Variants in DGKB observed in about 807,000 individuals in gnomAD.
DGKB encodes the protein 90 kDa diacylglycerol kinase.
Under a neutral mutation model 114.3 loss-of-function variants are expected in DGKB, and 67 were observed. The ratio of observed to expected loss-of-function variants is 0.59; its 90% CI spans 0.48 to 0.72. The LOEUF (loss-of-function observed/expected upper bound fraction) is 0.72, where lower values mean the gene tolerates loss of function less well. Ranked by LOEUF, DGKB falls within the 30% of genes least tolerant of loss-of-function variation. DGKB has a pLI of 0.00. For missense variants in DGKB, 907 were observed against 975.2 expected, an observed-to-expected ratio of 0.93 and a Z score of 0.93; for synonymous variants, 398 against 323.1, an observed-to-expected ratio of 1.23 and a Z score of -2.49.
intron 20 of DGKB, among the ~76,000 whole-genome samples, chr7:14,532,017 A>G (rs1791669906): frequency 6.6e-6 from 1 of 151,366 alleles, no homozygotes; most frequent in African/African-American, 2.4e-5. Flanking sequence ...ATATACAAAA[A>G]TTGCAATGAA....
At chr7:14,302,651 A>G (rs1449781991) in intron 23 of DGKB, among the ~76,000 whole-genome samples, 1 of 152,070 alleles carries the variant, frequency 6.6e-6, no homozygotes, top group African/African-American at 2.4e-5. Flanking sequence ...GACTTGATCC[A>G]TAATTGTTTC....
At chr7:14,765,217 C>T (rs10272351) in intron 2 of DGKB, among the ~76,000 whole-genome samples, 22,932 of 151,864 alleles carry the variant, frequency 0.15, 2,050 homozygotes, top group East Asian at 0.3. Context: ...CAGGTCTTTG[C>T]TCCAGGCTCA....
intron 13 of DGKB, among the ~76,000 whole-genome samples, chr7:14,661,085 T>C (rs1399863183): frequency 6.6e-6 from 1 of 151,638 alleles, no homozygotes; most frequent in African/African-American, 2.4e-5. Context: ...ATGTTAGACC[T>C]AAAACCACAA....
At chr7:14,852,191 G>A (rs1013028513) in intron 1 of DGKB, among the ~76,000 whole-genome samples, 1 of 151,978 alleles carries the variant, frequency 6.6e-6, no homozygotes, top group African/African-American at 2.4e-5. Context: ...AACATATGCT[G>A]AAAGAAGTAT....
intron 25 of DGKB, among the ~76,000 whole-genome samples, chr7:14,151,691 T>C (rs1782232409): frequency 6.6e-6 from 1 of 152,080 alleles, no homozygotes; most frequent in African/African-American, 2.4e-5. Flanking sequence ...AACTGTTTCT[T>C]TACTCTAACT....
chr7:14,681,043 G>T (rs1820735886), intron 12 of DGKB, among the ~76,000 whole-genome samples: 1 of 149,752 alleles, frequency 6.7e-6, no homozygotes, highest in Non-Finnish European at 1.5e-5. Context: ...TTCACTATAT[G>T]AAAAAAATAA....
At chr7:14,871,591 A>C (rs1394366933) in intron 1 of DGKB, among the ~76,000 whole-genome samples, 1 of 152,146 alleles carries the variant, frequency 6.6e-6, no homozygotes, top group Non-Finnish European at 1.5e-5. Context: ...GTATGCTATG[A>C]TCACCTGGAA....
At chr7:14,479,352 C>T (rs546247112) in intron 20 of DGKB, among the ~76,000 whole-genome samples, 1 of 152,130 alleles carries the variant, frequency 6.6e-6, no homozygotes, top group Admixed American at 6.6e-5. Flanking sequence ...CCAATGCCCA[C>T]TGCAGATGGC....
chr7:14,672,113 G>C (rs1038617380), intron 13 of DGKB, among the ~76,000 whole-genome samples: 1 of 151,834 alleles, frequency 6.6e-6, no homozygotes, highest in Non-Finnish European at 1.5e-5. Flanking sequence ...GGTACAAAAT[G>C]AGTAATATGA....
intron 13 of DGKB, among the ~76,000 whole-genome samples, chr7:14,669,258 C>T (rs535484358): frequency 6.6e-6 from 1 of 152,254 alleles, no homozygotes; most frequent in East Asian, 1.9e-4. Flanking sequence ...CCTCTAATGG[C>T]TTCCTATTTT....
chr7:14,471,219 T>TATATGTATGAATATATGTGTATATAC lies in DGKB; in HGVS notation c.1835+6941_1835+6942insGTATATACACATATATTCATACATAT, dbSNP rs1781275699. 1.7e-5 allele frequency among the ~76,000 whole-genome samples: 2 copies of TATATGTATGAATATATGTGTATATAC among 116,728 alleles called. 1 individual carries two copies. The highest frequency in any genetic ancestry group is 5.8e-4 in the East Asian group (2 of 3,474). The allele number at this position is 116,728 out of a possible 152,430, so 76.6% of individuals were successfully genotyped here. ...TGTATGGAATATATGTATATATACA[T>TATATGTATGAATATATGTGTATATAC]ATATATGTATGGAATATATGTATAC... On this transcript the variant is annotated intron_variant, in intron 21 of 25. Transcript: ENST00000402815.
At chr7:14,917,471 G>A (rs958670364) in intron 1 of DGKB, among the ~76,000 whole-genome samples, 1 of 151,722 alleles carries the variant, frequency 6.6e-6, no homozygotes, top group African/African-American at 2.4e-5. Flanking sequence ...ATAATAAAAA[G>A]ATAATAAAGA....
intron 21 of DGKB, among the ~76,000 whole-genome samples, chr7:14,431,182 T>C (rs1439094471): frequency 6.6e-6 from 1 of 152,092 alleles, no homozygotes; most frequent in Non-Finnish European, 1.5e-5. Context: ...CTGATTGACT[T>C]TCTTCCCTGA....
chr7:14,937,024 CTA>C (rs1491522890), intron 1 of DGKB, among the ~76,000 whole-genome samples: 1 of 104,422 alleles, frequency 9.6e-6, no homozygotes, highest in Non-Finnish European at 1.9e-5. Flanking sequence ...TGTCCATTCA[CTA>C]CACACACACA....
At chr7:14,181,681 A>G (rs1015574927) in intron 23 of DGKB, among the ~76,000 whole-genome samples, 25 of 152,222 alleles carry the variant, frequency 1.6e-4, no homozygotes, top group African/African-American at 6.0e-4. Context: ...TACCTTCAAA[A>G]GTTAAGTGTC....
At chr7:14,758,038 T>G (rs1260582887) in intron 2 of DGKB, among the ~76,000 whole-genome samples, 1 of 152,080 alleles carries the variant, frequency 6.6e-6, no homozygotes, top group Non-Finnish European at 1.5e-5. Context: ...TGTAGATATT[T>G]TTAAGGAGAA....
chr7:14,416,561 T>C (rs1583775936), intron 21 of DGKB, among the ~76,000 whole-genome samples: 1 of 151,914 alleles, frequency 6.6e-6, no homozygotes, highest in Non-Finnish European at 1.5e-5. Context: ...CAGTGGGAGG[T>C]AATTGAATCA....
At chr7:14,801,780 T>C (rs940125463) in intron 2 of DGKB, among the ~76,000 whole-genome samples, 1 of 152,030 alleles carries the variant, frequency 6.6e-6, no homozygotes, top group East Asian at 1.9e-4. Context: ...CATAATCTTA[T>C]TAGCCTATTG....
At chr7:14,789,829 T>C (rs1055472726) in intron 2 of DGKB, among the ~76,000 whole-genome samples, 2 of 152,164 alleles carry the variant, frequency 1.3e-5, no homozygotes, top group Non-Finnish European at 2.9e-5. Flanking sequence ...CTGAGTTATA[T>C]AGTAGTGCCA....
Sources: gnomAD v4.1 joint callset for allele counts (sites outside exome capture counted in the v4.1 genomes callset) on GRCh38, gnomAD v4.1.1 for gene constraint, MANE v1.5 for transcripts, NCBI Gene and HGNC (gene_info 2026-07-23, HGNC 2026-07-21) for gene names.